SGCD: variants seen among roughly 807,000 people sequenced by gnomAD.
SGCD encodes the protein delta-sarcoglycan.
In SGCD, 18 loss-of-function variants were observed where a neutral mutation model predicts 36.6. That is an observed-to-expected ratio of 0.49 (90% CI 0.34 to 0.73). The LOEUF (loss-of-function observed/expected upper bound fraction) is 0.73. SGCD is among the 30% of genes least tolerant of loss of function. The probability of loss-of-function intolerance (pLI) is 0.01; values close to 1 mark genes in which losing one functional copy is unlikely to be tolerated. For missense variants in SGCD, 387 were observed against 346.7 expected, an observed-to-expected ratio of 1.12 and a Z score of -0.92; for synonymous variants, 133 against 130.6, an observed-to-expected ratio of 1.02 and a Z score of -0.12.
Position 156,763,228 on chromosome 5 carries a change from T to C in SGCD, c.*3838T>C, listed in dbSNP as rs1757528924. On this transcript the variant is annotated 3_prime_UTR_variant, in exon 9 of 9. Transcript: ENST00000337851. ...TCCTGTAGGCTCTTTCTGCTGTCTATATTCATTAAAGTTTTCCACTTCACC... is the reference window on the plus strand; with the variant it reads ...TCCTGTAGGCTCTTTCTGCTGTCTACATTCATTAAAGTTTTCCACTTCACC... 6.5e-6 allele frequency: 1 copy of C among 152,686 alleles called. No homozygotes were observed. Among genetic ancestry groups the C allele is most frequent in the Non-Finnish European group, 1.5e-5 (1 of 68,068 alleles). 9.5% of individuals were successfully genotyped at this position (152,686 alleles called of 1,614,324 possible).
intron 1 of SGCD, among the ~76,000 whole-genome samples, chr5:155,886,499 C>T (rs575907397): frequency 3.2e-3 from 242 of 75,516 alleles, no homozygotes; most frequent in Middle Eastern, 0.017. Flanking sequence ...TGTGTGCGCG[C>T]ACGCGCGCGT....
At chr5:156,743,686 T>C (rs1016825885) in intron 7 of SGCD, among the ~76,000 whole-genome samples, 1 of 152,238 alleles carries the variant, frequency 6.6e-6, no homozygotes, top group African/African-American at 2.4e-5. Flanking sequence ...CACTGCTTTC[T>C]GAGAGAAATA....
the SGCD span, among the ~76,000 whole-genome samples, chr5:155,835,911 C>G: frequency 1.3e-5 from 2 of 152,120 alleles, no homozygotes; most frequent in Admixed American, 6.5e-5. Flanking sequence ...GTGAATCATT[C>G]CTTTGCCCAG....
chr5:156,636,406 C>T (rs1171393931), intron 6 of SGCD, among the ~76,000 whole-genome samples: 1 of 152,022 alleles, frequency 6.6e-6, no homozygotes, highest in African/African-American at 2.4e-5. Flanking sequence ...ACAAAGACTC[C>T]CATAACAGGG....
At chr5:156,275,444 AAACATAGAAAC>A (rs373892401) in intron 3 of SGCD, among the ~76,000 whole-genome samples, 13 of 152,344 alleles carry the variant, frequency 8.5e-5, no homozygotes, top group African/African-American at 3.1e-4. Flanking sequence ...TGCATGCTTA[AAACATAGAAAC>A]AACATAAAAT....
intron 6 of SGCD, among the ~76,000 whole-genome samples, chr5:156,608,313 T>A (rs187719094): frequency 6.6e-6 from 1 of 152,234 alleles, no homozygotes; most frequent in African/African-American, 2.4e-5. Flanking sequence ...CCAGTAGTCA[T>A]TCAGGAGCAG....
intron 3 of SGCD, among the ~76,000 whole-genome samples, chr5:156,491,179 G>A (rs1382048829): frequency 6.6e-6 from 1 of 151,994 alleles, no homozygotes; most frequent in Non-Finnish European, 1.5e-5. Context: ...AAACACTGAT[G>A]AAAGAAATTG....
chr5:156,087,508 C>T (rs545826590), intron 1 of SGCD, among the ~76,000 whole-genome samples: 4 of 152,060 alleles, frequency 2.6e-5, no homozygotes, highest in Admixed American at 2.6e-4. Flanking sequence ...GGCATGGTGG[C>T]ATGTGCCTGT....
At chr5:156,138,836 T>G (rs1762515845) in intron 3 of SGCD, among the ~76,000 whole-genome samples, 1 of 152,238 alleles carries the variant, frequency 6.6e-6, no homozygotes, top group African/African-American at 2.4e-5. Flanking sequence ...TCTATTTTCT[T>G]GTCAATACTT....
intron 3 of SGCD, among the ~76,000 whole-genome samples, chr5:156,134,049 A>G (rs1265606260): frequency 2.6e-5 from 4 of 152,184 alleles, no homozygotes; most frequent in Non-Finnish European, 5.9e-5. Context: ...AACTAAGCAA[A>G]TATAACATAG....
At chr5:156,379,075 A>G (rs530685937) in intron 3 of SGCD, among the ~76,000 whole-genome samples, 2 of 152,282 alleles carry the variant, frequency 1.3e-5, no homozygotes, top group South Asian at 2.1e-4. Context: ...TCTTTTAACA[A>G]TTATTGAAAG....
chr5:156,406,656 C>G (rs1772424241), intron 3 of SGCD, among the ~76,000 whole-genome samples: 1 of 151,610 alleles, frequency 6.6e-6, no homozygotes, highest in African/African-American at 2.4e-5. Flanking sequence ...TACAAGTTCT[C>G]TTTCAGAATG....
At chr5:156,539,674 G>A (rs1171889568) in intron 4 of SGCD, among the ~76,000 whole-genome samples, 1 of 152,084 alleles carries the variant, frequency 6.6e-6, no homozygotes, top group Non-Finnish European at 1.5e-5. Context: ...GGGCACTGAG[G>A]TTGGTTCCAT....
intron 3 of SGCD, among the ~76,000 whole-genome samples, chr5:156,154,860 A>G (rs1762914197): frequency 6.6e-6 from 1 of 151,534 alleles, no homozygotes; most frequent in Non-Finnish European, 1.5e-5. Flanking sequence ...AGGGCTGAAA[A>G]TCACTGCCCT....
intron 6 of SGCD, among the ~76,000 whole-genome samples, chr5:156,624,529 C>T (rs867225673): frequency 6.6e-6 from 1 of 151,974 alleles, no homozygotes; most frequent in Non-Finnish European, 1.5e-5. Context: ...TGCAGTGAGC[C>T]GAGATTGCGC....
At chr5:156,405,831 T>C (rs944925076) in intron 3 of SGCD, among the ~76,000 whole-genome samples, 1 of 152,090 alleles carries the variant, frequency 6.6e-6, no homozygotes, top group South Asian at 2.1e-4. Context: ...TTCAAGCTCC[T>C]GAGTCTTCTG....
the SGCD span, among the ~76,000 whole-genome samples, chr5:155,763,040 CT>C: frequency 6.6e-6 from 1 of 152,284 alleles, no homozygotes; most frequent in Non-Finnish European, 1.5e-5. Flanking sequence ...GAGCAGAAAT[CT>C]TTGAATGGTG....
At chr5:156,544,369 G>A (rs896376701) in intron 4 of SGCD, among the ~76,000 whole-genome samples, 2 of 152,184 alleles carry the variant, frequency 1.3e-5, no homozygotes, top group Non-Finnish European at 2.9e-5. Flanking sequence ...TTTGAGAACT[G>A]CCAGATTGTG....
At chr5:156,121,817 A>G (rs936000049) in intron 2 of SGCD, among the ~76,000 whole-genome samples, 9 of 152,098 alleles carry the variant, frequency 5.9e-5, no homozygotes, top group African/African-American at 1.9e-4. Flanking sequence ...AGGGGCTGAG[A>G]GTTGAGGGAA....
Sources: allele counts gnomAD v4.1 joint callset (sites outside exome capture counted in the v4.1 genomes callset), GRCh38; gene constraint gnomAD v4.1.1; transcripts MANE v1.5; gene names NCBI Gene and HGNC (gene_info 2026-07-23, HGNC 2026-07-21).